NPAS2: variants seen among roughly 807,000 people sequenced by gnomAD.
NPAS2 encodes the protein neuronal PAS domain-containing protein 2.
A neutral mutation model predicts 107.5 loss-of-function variants in NPAS2; 23 were observed. The ratio of observed to expected loss-of-function variants is 0.21; its 90% CI spans 0.15 to 0.30. NPAS2 has a LOEUF of 0.30. Ranked by LOEUF, NPAS2 falls within the 10% of genes least tolerant of loss-of-function variation. The pLI, the probability that NPAS2 is intolerant of heterozygous loss-of-function variation, is 1.00. For synonymous variants in NPAS2, 403 were observed against 417.5 expected (o/e 0.97, Z 0.42); for missense variants, 756 against 1,043.3 (o/e 0.72, Z 3.79).
chr2:100,936,536 C>A (rs182055872), intron 4 of NPAS2, among the ~76,000 whole-genome samples: 1 of 152,210 alleles, frequency 6.6e-6, no homozygotes, highest in Non-Finnish European at 1.5e-5. Context: ...TCTCCTCCCC[C>A]TCACTGGCAC....
rs951454056 is a variant in NPAS2, at chr2:100,987,860, G to C, written c.1630-219G>C. The C allele has an allele frequency of 5.0e-6, 3 of 603,076 alleles. No individual in the cohort carries two copies. In the African/African-American group the frequency reaches 5.5e-5, roughly 11 times the overall value. 37.4% of individuals were successfully genotyped at this position (603,076 alleles called of 1,614,324 possible). The stretch of plus-strand genomic sequence containing the variant: ...GTCACTTGCCTGTAACCTTCATGAA[G>C]GCAGAGAGAGTGTCTCTCCAGCCCA... On this transcript the variant is annotated intron_variant, in intron 16 of 20. Coordinates refer to ENST00000335681, the MANE Select transcript of NPAS2 (RefSeq NM_002518.4).
intron 1 of NPAS2, among the ~76,000 whole-genome samples, chr2:100,884,165 G>C (rs1680557800): frequency 6.6e-6 from 1 of 152,138 alleles, no homozygotes; most frequent in African/African-American, 2.4e-5. Flanking sequence ...TTTGCAAGCT[G>C]CTTGCTTTTG....
At chr2:100,982,101 C>A (rs905176346) in intron 15 of NPAS2, 130 bp from the exon 16 acceptor site, 2 of 1,129,012 alleles carry the variant, frequency 1.8e-6, no homozygotes, top group East Asian at 2.6e-5. Flanking sequence ...CAGCCGTGGG[C>A]TCCTTAGGGA....
At chr2:100,852,575 A>G (rs1203352064) in intron 1 of NPAS2, among the ~76,000 whole-genome samples, 2 of 152,072 alleles carry the variant, frequency 1.3e-5, no homozygotes, top group Non-Finnish European at 2.9e-5. Context: ...AGCATACCCC[A>G]TTTGGCCCCA....
At position 100,990,056 on chromosome 2, in the gene NPAS2, G is replaced by A. The variant is rs369435161; in HGVS notation, c.1828-200G>A. The stretch of plus-strand genomic sequence containing the variant: ...TTTGCTACTTGCCTGCCTAGAGTCC[G>A]GCACTGTCCTAGGCCCAAGGGATTC... On this transcript the variant is annotated intron_variant, in intron 17 of 20. Coordinates refer to ENST00000335681, the MANE Select transcript of NPAS2 (RefSeq NM_002518.4). The A allele has an allele frequency of 3.5e-5, 21 of 598,172 alleles. No homozygotes were observed. In the African/African-American group the frequency reaches 3.7e-4, roughly 11 times the overall value. The allele number at this position is 598,172 out of a possible 1,614,324, so 37.1% of individuals were successfully genotyped here.
intron 1 of NPAS2, among the ~76,000 whole-genome samples, chr2:100,855,923 T>G (rs1176891924): frequency 6.6e-6 from 1 of 151,976 alleles, no homozygotes; most frequent in Non-Finnish European, 1.5e-5. Flanking sequence ...ATGGGGAAGG[T>G]TAAGGTAAGG....
intron 1 of NPAS2, among the ~76,000 whole-genome samples, chr2:100,844,560 T>C (rs1465928911): frequency 2.0e-5 from 3 of 152,208 alleles, no homozygotes; most frequent in Non-Finnish European, 2.9e-5. Flanking sequence ...CACACTGATA[T>C]GCATCGACTG....
intron 1 of NPAS2, among the ~76,000 whole-genome samples, chr2:100,844,136 A>G (rs963669324): frequency 6.6e-6 from 1 of 152,124 alleles, no homozygotes; most frequent in African/African-American, 2.4e-5. Flanking sequence ...ATACTGACCC[A>G]ATTAATATAG....
chr2:100,947,491 G>T (rs1244836468), intron 5 of NPAS2, among the ~76,000 whole-genome samples: 1 of 151,022 alleles, frequency 6.6e-6, no homozygotes, highest in Admixed American at 6.6e-5. Flanking sequence ...GTGGAGGCTG[G>T]CAGTGAGCCG....
At chr2:100,833,698 A>G (rs1039823610) in intron 1 of NPAS2, among the ~76,000 whole-genome samples, 1 of 152,210 alleles carries the variant, frequency 6.6e-6, no homozygotes, top group African/African-American at 2.4e-5. Flanking sequence ...CAAATCAAAT[A>G]GCCTCTGTGT....
At chr2:100,860,869 G>T (rs1678898200) in intron 1 of NPAS2, among the ~76,000 whole-genome samples, 1 of 151,466 alleles carries the variant, frequency 6.6e-6, no homozygotes, top group Non-Finnish European at 1.5e-5. Context: ...TTTTTTTATT[G>T]TTTGTTGTTG....
At chr2:100,995,239 A>AC in intron 20 of NPAS2, 161 bp from the exon 21 acceptor site, 1 of 532,220 alleles carries the variant, frequency 1.9e-6, no homozygotes, top group Non-Finnish European at 3.2e-6. Context: ...TCCCCACCAC[A>AC]CCCCCAGGTC....
chr2:100,954,494 G>C (rs1370411358), intron 7 of NPAS2, among the ~76,000 whole-genome samples: 1 of 152,120 alleles, frequency 6.6e-6, no homozygotes, highest in East Asian at 1.9e-4. Context: ...GCAAAACTGT[G>C]TCTCTACTAA....
chr2:100,959,486 C>A (rs1292593975), intron 7 of NPAS2, among the ~76,000 whole-genome samples: 1 of 152,174 alleles, frequency 6.6e-6, no homozygotes, highest in African/African-American at 2.4e-5. Context: ...CTATTCAGAA[C>A]ACATTGGGTC....
At chr2:100,821,196 C>G (rs1676049688) in intron 1 of NPAS2, 1 of 1,303,858 alleles carries the variant, frequency 7.7e-7, no homozygotes, top group African/African-American at 1.5e-5. Flanking sequence ...CTTAATTGCT[C>G]AAGGTAAGAA....
chr2:100,840,527 G>A (rs10165970), intron 1 of NPAS2, among the ~76,000 whole-genome samples: 24,340 of 151,738 alleles, frequency 0.16, 2,127 homozygotes, highest in Middle Eastern at 0.35. Context: ...TCACAGACCC[G>A]GCTTCCTCAC....
At chr2:100,922,402 T>C (rs1017903295) in intron 2 of NPAS2, among the ~76,000 whole-genome samples, 1 of 152,030 alleles carries the variant, frequency 6.6e-6, no homozygotes, top group Non-Finnish European at 1.5e-5. Context: ...GTCAACATGG[T>C]GAAACCCTGT....
chr2:100,984,410 A>G (rs947530488), intron 16 of NPAS2: 4 of 152,238 alleles, frequency 2.6e-5, no homozygotes, highest in Non-Finnish European at 4.4e-5. Flanking sequence ...AAGAATGACA[A>G]AACACTGATG....
chr2:100,888,308 T>TC (rs566617213), intron 1 of NPAS2, among the ~76,000 whole-genome samples: 101 of 152,172 alleles, frequency 6.6e-4, no homozygotes, highest in Admixed American at 3.1e-3. Context: ...GGGTTTACCA[T>TC]CCAGTGGGGG....
Sources: gnomAD v4.1 joint callset for allele counts (sites outside exome capture counted in the v4.1 genomes callset) on GRCh38, gnomAD v4.1.1 for gene constraint, MANE v1.5 for transcripts, NCBI Gene and HGNC (gene_info 2026-07-23, HGNC 2026-07-21) for gene names.